Variants in MAN1B1 observed in about 807,000 individuals in gnomAD.
MAN1B1 encodes the protein mannosidase alpha class 1B member 1.
In MAN1B1, 66 loss-of-function variants were observed where a neutral mutation model predicts 75.5. The ratio of observed to expected loss-of-function variants is 0.87; its 90% CI spans 0.72 to 1.07. The LOEUF (loss-of-function observed/expected upper bound fraction) is 1.07, where lower values mean the gene tolerates loss of function less well. MAN1B1 is among the 50% of genes least tolerant of loss of function. The pLI is 0.00. For synonymous variants in MAN1B1, 453 were observed against 382.8 expected (o/e 1.18, Z -2.14); for missense variants, 973 against 912.5 (o/e 1.07, Z -0.85).
In MAN1B1 at chr9:137,102,368, G is replaced by A. The variant is rs1830867705; in HGVS notation, c.1254+696G>A. On this transcript the variant is annotated intron_variant, in intron 8 of 12. Transcript: ENST00000371589. ...AGGTCGGTGGTGTTACATTCACGCT[G>A]TTGCAGACGTGCAGGTCAGTGCTGT... 1.9e-4 allele frequency: 80 copies of A among 429,814 alleles called. 2 individuals are homozygous for A. The highest frequency in any genetic ancestry group is 1.3e-3 in the South Asian group (80 of 62,182). The allele number at this position is 429,814 out of a possible 1,614,324, so 26.6% of individuals were successfully genotyped here.
At chr9:137,106,031 G>A (rs758920077) in intron 8 of MAN1B1, 94 bp from the exon 9 acceptor site, 1 of 981,444 alleles carries the variant, frequency 1.0e-6, no homozygotes, top group African/African-American at 1.6e-5. Flanking sequence ...GTCGGTGCTG[G>A]GGCGAGGGGA....
chr9:137,100,875 C>G (rs528983231), intron 6 of MAN1B1, 130 bp from the exon 7 acceptor site: 187 of 1,020,260 alleles, frequency 1.8e-4, no homozygotes, highest in Non-Finnish European at 2.7e-4. Flanking sequence ...TTGCCTCAGC[C>G]TCCCAAAGTG....
chr9:137,104,029 G>T (rs1831005397), intron 8 of MAN1B1: 2 of 457,222 alleles, frequency 4.4e-6, no homozygotes. Context: ...AGGAGTACAG[G>T]TCAGTGGTGT....
chr9:137,106,212 G>T lies in MAN1B1; in HGVS notation c.1342G>T (p.Gly448Cys), dbSNP rs769861003. The change falls in exon 9 of 13, where the codon GGC becomes TGC. Residue 448 changes from glycine to cysteine, a missense_variant. Transcript: ENST00000371589. ...LVPMFINTHSGLFTHLGVFTL... is the reference protein window; with the variant it reads ...LVPMFINTHSCLFTHLGVFTL... ...GCCCATGTTCATCAATACCCACAGT[G>T]GCCTCTTCACCCACCTGGGCGTATT... The T allele has an allele frequency of 1.2e-6, 2 of 1,610,560 alleles. No individual in the cohort carries two copies. The highest frequency in any genetic ancestry group is 8.5e-7 in the Non-Finnish European group (1 of 1,178,882).
At position 137,089,323 on chromosome 9, in the gene MAN1B1, G is replaced by A. The variant is rs572639511; in HGVS notation, c.465+318G>A. 139 of 415,524 alleles carry A rather than the reference G, an allele frequency of 3.3e-4. 4 individuals are homozygous for A. The Middle Eastern group carries it at 4.5e-3, about 14-fold the overall frequency. The allele number at this position is 415,524 out of a possible 1,614,324, so 25.7% of individuals were successfully genotyped here. ...AGCCAGGCACAGATGGGCAGAGGCAGATGGCACATGGTGTACATCCTATGT... is the reference window on the plus strand; with the variant it reads ...AGCCAGGCACAGATGGGCAGAGGCAAATGGCACATGGTGTACATCCTATGT... On this transcript the variant is annotated intron_variant, in intron 3 of 12. Transcript: ENST00000371589.
In MAN1B1 at chr9:137,108,948, G is replaced by C. The variant is rs1443911485; in HGVS notation, c.*357G>C. 2.1e-6 allele frequency: 1 copy of C among 482,670 alleles called. No individual in the cohort carries two copies. The highest frequency in any genetic ancestry group is 4.1e-6 in the Non-Finnish European group (1 of 244,934). The allele number at this position is 482,670 out of a possible 1,614,324, so 29.9% of individuals were successfully genotyped here. Reference sequence around the variant, plus strand: ...GACCGAGTGGACAGCCCAGGGTGCAGCTCTGCCCGGGCTCGTGAAGCCTCA... The same window carrying C: ...GACCGAGTGGACAGCCCAGGGTGCACCTCTGCCCGGGCTCGTGAAGCCTCA... On this transcript the variant is annotated 3_prime_UTR_variant, in exon 13 of 13. Transcript: ENST00000371589.
chr9:137,093,396 G>T (rs1004880774), intron 3 of MAN1B1, among the ~76,000 whole-genome samples: 3 of 152,108 alleles, frequency 2.0e-5, no homozygotes, highest in Non-Finnish European at 4.4e-5. Flanking sequence ...GAAAAGAAAA[G>T]TGATCTCCAT....
At position 137,108,693 on chromosome 9, in the gene MAN1B1, G is replaced by A; in HGVS notation, c.*102G>A. The A allele has an allele frequency of 4.5e-6, 5 of 1,120,074 alleles. No individual in the cohort carries two copies. Among genetic ancestry groups the A allele is most frequent in the Middle Eastern group, 3.9e-4 (2 of 5,136 alleles). The allele number at this position is 1,120,074 out of a possible 1,614,324, so 69.4% of individuals were successfully genotyped here. ...ACGTAGCACCGGCAACCGCCAAGTG[G>A]CCCAGGCTCTGAACTGGCTCTGGGC... On this transcript the variant is annotated 3_prime_UTR_variant, in exon 13 of 13. Coordinates refer to ENST00000371589, the MANE Select transcript of MAN1B1 (RefSeq NM_016219.5).
intron 3 of MAN1B1, among the ~76,000 whole-genome samples, chr9:137,090,327 T>G (rs1176453975): frequency 1.3e-5 from 2 of 152,122 alleles, no homozygotes; most frequent in East Asian, 1.9e-4. Flanking sequence ...GCCAGAGTCC[T>G]CAGCGCCAGG....
At chr9:137,094,886 A>G (rs936565511) in intron 3 of MAN1B1, among the ~76,000 whole-genome samples, 4 of 143,742 alleles carry the variant, frequency 2.8e-5, no homozygotes, top group African/African-American at 7.8e-5. Context: ...GTCTCAAAAA[A>G]CAAACAAACA....
rs759422338 is a variant in MAN1B1 at position 137,107,581 on chromosome 9, C to G, written c.1815C>G (p.Phe605Leu). 2 of 1,612,506 alleles carry G rather than the reference C, an allele frequency of 1.2e-6. No homozygotes were observed. Among genetic ancestry groups the G allele is most frequent in the South Asian group, 2.2e-5 (2 of 91,084 alleles). The change falls in exon 12 of 13, where the codon TTC becomes TTG. Residue 605 changes from phenylalanine (F) to leucine (L), a missense_variant. Transcript: ENST00000371589. The part of the protein sequence containing the change: ...LLRPETVESL[F>L]YLYRVTGDRK... ...GGCCAGAGACCGTGGAGAGCCTGTT[C>G]TACCTGTACCGCGTCACAGGGGACC...
At chr9:137,087,566 G>A (rs1158427353) in intron 1 of MAN1B1, 15 of 529,094 alleles carry the variant, frequency 2.8e-5, no homozygotes, top group Non-Finnish European at 4.3e-5. Context: ...TGCTCCCCTC[G>A]GTACAGTGAG....
In MAN1B1 at chr9:137,088,942, C is replaced by G; in HGVS notation, c.402C>G (p.Pro134=). 1.2e-6 allele frequency: 2 copies of G among 1,613,974 alleles called. No homozygotes were observed. Residue 134 remains proline, a synonymous_variant, in exon 3 of 13, where the codon CCC becomes CCG. Transcript: ENST00000371589. The part of the protein sequence containing the change: ...EIAGLKPANP[P]VLPAPQKADT... ...CTGGGTTAAAACCAGCAAATCCACC[C>G]GTCTTACCAGCTCCTCAGAAGGCGG...
At chr9:137,088,426 T>A (rs536757531) in intron 2 of MAN1B1, 27 of 1,555,852 alleles carry the variant, frequency 1.7e-5, no homozygotes, top group Admixed American at 3.4e-5. Flanking sequence ...CAGCCTCCCT[T>A]ATAGAGTAAG....
chr9:137,095,674 G>A (rs571005483), intron 3 of MAN1B1, among the ~76,000 whole-genome samples: 2 of 152,212 alleles, frequency 1.3e-5, no homozygotes, highest in Non-Finnish European at 1.5e-5. Context: ...CCGTGACACG[G>A]TCTGCAGCTT....
intron 9 of MAN1B1, 76 bp from the exon 10 acceptor site, chr9:137,106,613 G>A (rs1185242079): frequency 3.1e-6 from 5 of 1,605,486 alleles, no homozygotes; most frequent in Admixed American, 3.3e-5. Context: ...GTGGGCCCAG[G>A]ATGTGCCTGT....
intron 1 of MAN1B1, 188 bp downstream of exon 1, chr9:137,087,406 C>A: frequency 1.3e-6 from 1 of 777,416 alleles, no homozygotes; most frequent in Non-Finnish European, 2.2e-6. Flanking sequence ...TCGCCTGCAG[C>A]GGTCTCAGCG....
At position 137,106,124 on chromosome 9, in the gene MAN1B1, G is replaced by T; in HGVS notation, c.1255-1G>T. ...ACCCACCATCCCCCTTTCTGCCGCA[G>T]GAGGCAGTGGAGAAGGTGACACAGC... On this transcript the variant is annotated splice_acceptor_variant, in intron 8 of 12. Coordinates refer to ENST00000371589, the MANE Select transcript of MAN1B1 (RefSeq NM_016219.5). LOFTEE classifies it high-confidence loss of function. The T allele has an allele frequency of 6.2e-7, 1 of 1,612,486 alleles. No homozygotes were observed. The highest frequency in any genetic ancestry group is 1.1e-5 in the South Asian group (1 of 90,946).
chr9:137,101,606 C>T lies in MAN1B1; in HGVS notation c.1188C>T (p.Ala396=), dbSNP rs763141969. Residue 396 remains alanine (A), a synonymous_variant, in exon 8 of 13, where the codon GCC becomes GCT. Coordinates refer to ENST00000371589, the MANE Select transcript of MAN1B1 (RefSeq NM_016219.5). ...GGTGGACCTCCGACAGCACTGTGGC[C>T]GAGGTGACCAGCATTCAGCTGGAGT... ...PPRWTSDSTV[A]EVTSIQLEFR... 13 of 1,613,662 alleles carry T rather than the reference C, an allele frequency of 8.1e-6. No individual in the cohort carries two copies. The highest frequency in any genetic ancestry group is 2.2e-5 in the South Asian group (2 of 91,088).
Sources: gnomAD v4.1 joint callset for allele counts (sites outside exome capture counted in the v4.1 genomes callset) on GRCh38, gnomAD v4.1.1 for gene constraint, MANE v1.5 for transcripts, NCBI Gene and HGNC (gene_info 2026-07-23, HGNC 2026-07-21) for gene names.